The following CSMD1 variants were observed in gnomAD, a reference collection of about 807,000 sequenced individuals.
The protein encoded by CSMD1 is CUB and Sushi multiple domains 1.
A neutral mutation model predicts 417.5 loss-of-function variants in CSMD1; 213 were observed. The ratio of observed to expected loss-of-function variants is 0.51; its 90% CI spans 0.46 to 0.57. The LOEUF is 0.57. CSMD1 is among the 20% of genes least tolerant of loss of function. The probability of loss-of-function intolerance (pLI) is 0.00; values close to 1 mark genes in which losing one functional copy is unlikely to be tolerated. For synonymous variants in CSMD1, 2,862 were observed against 1,736.8 expected (o/e 1.65, Z -16.11); for missense variants, 6,923 against 4,529.7 (o/e 1.53, Z -15.17).
chr8:3,052,709 A>C, intron 49 of CSMD1, 62 bp from the exon 50 acceptor site: 1 of 1,159,212 alleles, frequency 8.6e-7, no homozygotes, highest in Non-Finnish European at 1.2e-6. Flanking sequence ...AGCTATTAAA[A>C]CCATTGATTG....
chr8:3,595,752 C>G (rs1801060579), intron 8 of CSMD1, among the ~76,000 whole-genome samples: 2 of 152,176 alleles, frequency 1.3e-5, no homozygotes, highest in Admixed American at 1.3e-4. Flanking sequence ...TCATGTAAAC[C>G]TGCCATTTGC....
intron 3 of CSMD1, among the ~76,000 whole-genome samples, chr8:4,068,700 T>C (rs950435267): frequency 6.6e-6 from 1 of 152,230 alleles, no homozygotes; most frequent in African/African-American, 2.4e-5. Flanking sequence ...TTTCAAGATA[T>C]CTAGTGGGGA....
chr8:4,533,875 A>G (rs1456337064), intron 2 of CSMD1, among the ~76,000 whole-genome samples: 1 of 149,860 alleles, frequency 6.7e-6, no homozygotes, highest in South Asian at 2.1e-4. Context: ...ATGTATGTGT[A>G]TAAATAAATA....
chr8:3,188,071 T>TATATAC (rs1160562816), intron 35 of CSMD1, 106 bp from the exon 36 acceptor site: 5 of 447,062 alleles, frequency 1.1e-5, no homozygotes, highest in African/African-American at 4.4e-5. Context: ...TATGTATATA[T>TATATAC]ATATACATAT....
intron 2 of CSMD1, among the ~76,000 whole-genome samples, chr8:4,603,537 G>C (rs1012522723): frequency 6.6e-6 from 1 of 151,996 alleles, no homozygotes; most frequent in African/African-American, 2.4e-5. Flanking sequence ...AAAATAAAAG[G>C]AAAGAAAACC....
intron 23 of CSMD1, among the ~76,000 whole-genome samples, chr8:3,312,130 C>A (rs1805398047): frequency 6.6e-6 from 1 of 152,250 alleles, no homozygotes; most frequent in Middle Eastern, 3.4e-3. Flanking sequence ...AAAGATGTAT[C>A]CATTAAAATG....
intron 49 of CSMD1, among the ~76,000 whole-genome samples, chr8:3,058,862 C>A (rs1163083888): frequency 6.6e-6 from 1 of 151,978 alleles, no homozygotes; most frequent in Non-Finnish European, 1.5e-5. Context: ...CACACAAATG[C>A]CTCAAGTACC....
At chr8:3,685,399 C>T (rs528828037) in intron 7 of CSMD1, among the ~76,000 whole-genome samples, 1 of 152,262 alleles carries the variant, frequency 6.6e-6, no homozygotes, top group South Asian at 2.1e-4. Context: ...TCCTGCTGCT[C>T]ACTGCACAGA....
At chr8:3,331,797 T>C (rs1026114365) in intron 23 of CSMD1, among the ~76,000 whole-genome samples, 1 of 152,236 alleles carries the variant, frequency 6.6e-6, no homozygotes, top group Non-Finnish European at 1.5e-5. Context: ...GAATGATATA[T>C]TGAATAGCAG....
chr8:3,712,099 C>T (rs1429396123), intron 6 of CSMD1, among the ~76,000 whole-genome samples: 1 of 152,176 alleles, frequency 6.6e-6, no homozygotes, highest in Non-Finnish European at 1.5e-5. Flanking sequence ...TATTTTTCAA[C>T]AAGACAGTGT....
intron 3 of CSMD1, among the ~76,000 whole-genome samples, chr8:4,386,712 G>A (rs1220511488): frequency 6.6e-6 from 1 of 152,210 alleles, no homozygotes; most frequent in African/African-American, 2.4e-5. Flanking sequence ...GATCCAGATG[G>A]TAAGGGATAG....
intron 2 of CSMD1, among the ~76,000 whole-genome samples, chr8:4,500,065 A>G (rs1035143405): frequency 4.9e-5 from 5 of 102,554 alleles, no homozygotes; most frequent in African/African-American, 1.8e-4. Flanking sequence ...GGAGAATACA[A>G]TGTGTCTGAA....
intron 15 of CSMD1, among the ~76,000 whole-genome samples, chr8:3,403,709 C>T (rs1016039056): frequency 6.6e-6 from 1 of 152,184 alleles, no homozygotes; most frequent in Non-Finnish European, 1.5e-5. Flanking sequence ...CCTGAAAATT[C>T]ATGCTTCCAA....
intron 1 of CSMD1, among the ~76,000 whole-genome samples, chr8:4,707,861 T>C (rs1033818500): frequency 2.4e-5 from 3 of 125,024 alleles, no homozygotes; most frequent in Admixed American, 9.6e-5. Flanking sequence ...CACTCCAGCC[T>C]GGGGACAAGA....
At chr8:4,057,824 G>C (rs1288869917) in intron 3 of CSMD1, among the ~76,000 whole-genome samples, 1 of 152,146 alleles carries the variant, frequency 6.6e-6, no homozygotes, top group African/African-American at 2.4e-5. Flanking sequence ...TGTCAGGTTT[G>C]TCAAAGATCA....
rs57373556 is a variant in CSMD1, at chr8:3,932,912, A to G, written c.818+64991T>C. 4.3e-3 allele frequency among the ~76,000 whole-genome samples: 654 copies of G among 150,478 alleles called. 33 individuals are homozygous for G. The highest frequency in any genetic ancestry group is 0.015 in the African/African-American group (627 of 40,902). Reference sequence around the variant, plus strand: ...TCTATTCCAATAGCAACACACTTCTATTTAGTAAAGTAACTAAATCTTTTT... The same window carrying G: ...TCTATTCCAATAGCAACACACTTCTGTTTAGTAAAGTAACTAAATCTTTTT... On this transcript the variant is annotated intron_variant, in intron 5 of 69. Transcript: ENST00000635120.
chr8:3,528,844 T>C (rs879685323), intron 10 of CSMD1, among the ~76,000 whole-genome samples: 2 of 152,210 alleles, frequency 1.3e-5, no homozygotes, highest in Non-Finnish European at 1.5e-5. Flanking sequence ...AACATAAGAA[T>C]GCCAACTAAA....
chr8:4,543,227 T>C (rs1053933091), intron 2 of CSMD1, among the ~76,000 whole-genome samples: 1 of 152,190 alleles, frequency 6.6e-6, no homozygotes, highest in Non-Finnish European at 1.5e-5. Flanking sequence ...TACAAAGTCA[T>C]GCATCCACCA....
chr8:3,518,032 C>T (rs573922911), intron 10 of CSMD1, among the ~76,000 whole-genome samples: 7 of 152,058 alleles, frequency 4.6e-5, no homozygotes, highest in East Asian at 1.9e-4. Flanking sequence ...AAAATTATCT[C>T]CCTCAAGAAG....
Sources: gnomAD v4.1 joint callset for allele counts (sites outside exome capture counted in the v4.1 genomes callset) on GRCh38, gnomAD v4.1.1 for gene constraint, MANE v1.5 for transcripts, NCBI Gene and HGNC (gene_info 2026-07-23, HGNC 2026-07-21) for gene names.